SH3TC1: variants seen among roughly 807,000 people sequenced by gnomAD.
The protein encoded by SH3TC1 is SH3 domain and tetratricopeptide repeats 1.
A neutral mutation model predicts 117.3 loss-of-function variants in SH3TC1; 135 were observed. The ratio of observed to expected loss-of-function variants is 1.15; its 90% CI spans 1.00 to 1.33. The LOEUF is 1.33. Ranked by LOEUF, SH3TC1 falls within the 40% of genes most tolerant of loss-of-function variation. The probability of loss-of-function intolerance (pLI) is 0.00; values close to 1 mark genes in which losing one functional copy is unlikely to be tolerated. For missense variants in SH3TC1, 2,092 were observed against 1,794.3 expected (o/e 1.17, Z -3.00); for synonymous variants, 898 against 816.9 (o/e 1.10, Z -1.69).
Position 8,212,839 on chromosome 4 carries a change from C to A in SH3TC1, c.375+11C>A. On this transcript the variant is annotated intron_variant, in intron 4 of 17. Coordinates refer to ENST00000245105, the MANE Select transcript of SH3TC1 (RefSeq NM_018986.5). Reference sequence around the variant, plus strand: ...GCCCGCGTGCTTGGGGTGAGTAGCCCTCTGGGGCCTGCTCAGGGATGGGAG... The same window carrying A: ...GCCCGCGTGCTTGGGGTGAGTAGCCATCTGGGGCCTGCTCAGGGATGGGAG... The A allele has an allele frequency of 6.4e-7, 1 of 1,553,192 alleles. No individual in the cohort carries two copies. Among genetic ancestry groups the A allele is most frequent in the Non-Finnish European group, 8.7e-7 (1 of 1,147,912 alleles).
At chr4:8,203,281 T>C (rs986122161) in intron 1 of SH3TC1, among the ~76,000 whole-genome samples, 2 of 151,388 alleles carry the variant, frequency 1.3e-5, no homozygotes, top group African/African-American at 4.8e-5. Context: ...CGGGTGCGTG[T>C]GTGTGTGTGT....
intron 13 of SH3TC1, chr4:8,233,123 C>T (rs1022594944): frequency 7.4e-7 from 1 of 1,353,148 alleles, no homozygotes; most frequent in African/African-American, 1.5e-5. Flanking sequence ...GACTAGCACG[C>T]TCCCCCAGCC....
chr4:8,209,865 G>A lies in SH3TC1; in HGVS notation c.247+43G>A, dbSNP rs368777125. ...TACACAGGGCTTCAGGTTCAAATCC[G>A]GGCTGTGCCGCTCCCTGGGCATCCA... On this transcript the variant is annotated intron_variant, in intron 3 of 17. Transcript: ENST00000245105. The surrounding 1 kb of genome is among the most constrained non-coding windows in gnomAD (Gnocchi z 5.9). 1.8e-5 allele frequency: 29 copies of A among 1,589,494 alleles called. No individual in the cohort carries two copies. The highest frequency in any genetic ancestry group is 8.7e-5 in the Admixed American group (5 of 57,750).
intron 1 of SH3TC1, among the ~76,000 whole-genome samples, chr4:8,182,411 G>A (rs991785298): frequency 7.2e-5 from 11 of 152,182 alleles, no homozygotes; most frequent in Admixed American, 6.5e-4. Flanking sequence ...GGTTTCAGGC[G>A]AAGGGCCAGC....
chr4:8,213,660 G>A (rs944857328), intron 4 of SH3TC1, among the ~76,000 whole-genome samples: 12 of 152,118 alleles, frequency 7.9e-5, no homozygotes, highest in South Asian at 4.1e-4. Flanking sequence ...CACTTTGGGC[G>A]AACGACGAAG....
In SH3TC1 at chr4:8,227,704, G is replaced by A. The variant is rs1182319733; in HGVS notation, c.2010G>A (p.Leu670=). The change falls in exon 12 of 18, where the codon CTG becomes CTA. Residue 670 remains leucine, a synonymous_variant. Coordinates refer to ENST00000245105, the MANE Select transcript of SH3TC1 (RefSeq NM_018986.5). ...SLQAEARACF[L]LARHHVHLKQ... ...AGGCCGAGGCCCGGGCCTGCTTCCT[G>A]CTGGCCAGGCACCACGTGCACCTCA... The A allele has an allele frequency of 1.3e-6, 2 of 1,567,664 alleles. No individual in the cohort carries two copies. Among genetic ancestry groups the A allele is most frequent in the African/African-American group, 1.3e-5 (1 of 74,104 alleles).
At position 8,205,352 on chromosome 4, in the gene SH3TC1, C is replaced by G. The variant is rs992778150; in HGVS notation, c.158C>G (p.Ala53Gly). ...WEKAGPEEAK[A>G]PVRGDEAPPA... Reference sequence around the variant, plus strand: ...AAAGCGGGGCCCGAGGAGGCCAAGGCGCCAGTGAGAGGCGGTGAGTTCATT... The same window carrying G: ...AAAGCGGGGCCCGAGGAGGCCAAGGGGCCAGTGAGAGGCGGTGAGTTCATT... The change falls in exon 2 of 18, where the codon GCG becomes GGG. Residue 53 changes from alanine (A) to glycine (G), a missense_variant. Physicochemically the swap from Ala to Gly is moderately conservative, Grantham distance 60 (BLOSUM62 0). Coordinates refer to ENST00000245105, the MANE Select transcript of SH3TC1 (RefSeq NM_018986.5). The surrounding 1 kb of genome is among the most constrained non-coding windows in gnomAD (Gnocchi z 5.4). 2 of 1,548,236 alleles carry G rather than the reference C, an allele frequency of 1.3e-6. No homozygotes were observed. Among genetic ancestry groups the G allele is most frequent in the African/African-American group, 2.7e-5 (2 of 72,976 alleles).
upstream of SH3TC1, among the ~76,000 whole-genome samples, chr4:8,197,931 G>A (rs185631028): frequency 3.3e-5 from 5 of 152,176 alleles, no homozygotes; most frequent in East Asian, 9.7e-4. Context: ...GGCTGGAGGG[G>A]CTTTGACCTG....
Position 8,228,532 on chromosome 4 carries a change from C to A in SH3TC1, c.2838C>A (p.Thr946=). Residue 946 remains threonine (T), a synonymous_variant, in exon 12 of 18, where the codon ACC becomes ACA. Transcript: ENST00000245105. The part of the protein sequence containing the change: ...LPLGECGRDF[T]HVLLQLGHLC... ...TTGGGGAGTGTGGCCGGGACTTCAC[C>A]CACGTGCTCCTGCAGCTGGGCCATC... is the stretch of plus-strand genomic sequence containing the variant. The A allele has an allele frequency of 6.2e-7, 1 of 1,611,140 alleles. No individual in the cohort carries two copies. Among genetic ancestry groups the A allele is most frequent in the Non-Finnish European group, 8.5e-7 (1 of 1,179,414 alleles).
chr4:8,238,141 C>T (rs1721987504), intron 17 of SH3TC1, among the ~76,000 whole-genome samples: 1 of 152,210 alleles, frequency 6.6e-6, no homozygotes, highest in African/African-American at 2.4e-5. Context: ...CCAGCCTGCA[C>T]TGAGCAACTC....
chr4:8,236,585 G>T, intron 16 of SH3TC1, 157 bp downstream of exon 16: 1 of 1,029,810 alleles, frequency 9.7e-7, no homozygotes. Context: ...CGGCCGTGGG[G>T]CACAGCCCGA....
Position 8,228,081 on chromosome 4 carries a change from A to G in SH3TC1, c.2387A>G (p.Tyr796Cys). Reference protein sequence around the residue: ...GPLYTSLAQLYSHHGCHGPAI... With the variant: ...GPLYTSLAQLCSHHGCHGPAI... ...CTCTACACCAGCTTGGCCCAGCTGTACAGCCACCATGGCTGCCACGGCCCG... is the reference window on the plus strand; with the variant it reads ...CTCTACACCAGCTTGGCCCAGCTGTGCAGCCACCATGGCTGCCACGGCCCG... The change falls in exon 12 of 18, where the codon TAC becomes TGC. Residue 796 changes from tyrosine (Y) to cysteine (C), a missense_variant. Coordinates refer to ENST00000245105, the MANE Select transcript of SH3TC1 (RefSeq NM_018986.5). 6.2e-7 allele frequency: 1 copy of G among 1,607,880 alleles called. No homozygotes were observed.
At chr4:8,228,837 G>C (rs1408043055) in intron 12 of SH3TC1, among the ~76,000 whole-genome samples, 193 bp downstream of exon 12, 1 of 152,234 alleles carries the variant, frequency 6.6e-6, no homozygotes, top group Non-Finnish European at 1.5e-5. Context: ...TGCCCTACTG[G>C]GGGAGCCAGC....
chr4:8,217,517 C>T (rs1561694706), intron 7 of SH3TC1, among the ~76,000 whole-genome samples: 1 of 152,222 alleles, frequency 6.6e-6, no homozygotes, highest in Non-Finnish European at 1.5e-5. Context: ...ACACGGGACC[C>T]ACAGATAGAG....
At chr4:8,207,701 C>A (rs1339791014) in intron 2 of SH3TC1, among the ~76,000 whole-genome samples, 1 of 152,236 alleles carries the variant, frequency 6.6e-6, no homozygotes, top group Non-Finnish European at 1.5e-5. Context: ...ATTCAAATCA[C>A]CCTAGATTTG....
intron 5 of SH3TC1, among the ~76,000 whole-genome samples, 191 bp from the exon 6 acceptor site, chr4:8,215,920 C>G (rs1719219591): frequency 7.5e-6 from 1 of 133,368 alleles, no homozygotes; most frequent in Non-Finnish European, 1.6e-5. Flanking sequence ...TGACCTCTCA[C>G]AGCCCGGGTG....
At chr4:8,182,556 A>G (rs1717107453) in intron 1 of SH3TC1, among the ~76,000 whole-genome samples, 1 of 152,124 alleles carries the variant, frequency 6.6e-6, no homozygotes, top group Non-Finnish European at 1.5e-5. Context: ...CCTGGTGGAA[A>G]GGTGAGGTGC....
chr4:8,192,059 G>A lies in SH3TC1; in HGVS notation c.-57+9849G>A, dbSNP rs1035774760. 2.6e-5 allele frequency among the ~76,000 whole-genome samples: 4 copies of A among 151,448 alleles called. No individual in the cohort carries two copies. In the East Asian group the frequency reaches 5.9e-4, roughly 22 times the overall value. ...GGCTGGAGTGCAATGGCGCGATCTC[G>A]GCTCACTGCCACCTCGGCCTCCCAG... On this transcript the variant is annotated intron_variant, in intron 1 of 16. Transcript: ENST00000508641. This position sits in a 1 kb window ranked among gnomAD's most constrained non-coding sequence, Gnocchi z 4.1.
In SH3TC1 at chr4:8,238,942, G is replaced by A. The variant is rs541804155; in HGVS notation, c.3753+1272G>A. On this transcript the variant is annotated intron_variant, in intron 17 of 17. Transcript: ENST00000245105. The stretch of plus-strand genomic sequence containing the variant: ...CAGCTTCCCACAGGGAGGCCCCCTC[G>A]GAATTCCCCCAGGGCTGCTGTCTTT... 1.2e-3 allele frequency among the ~76,000 whole-genome samples: 189 copies of A among 152,294 alleles called. 2 individuals carry two copies. The highest frequency in any genetic ancestry group is 4.4e-3 in the African/African-American group (182 of 41,562).
Sources: allele counts gnomAD v4.1 joint callset (sites outside exome capture counted in the v4.1 genomes callset), GRCh38; gene constraint gnomAD v4.1.1; non-coding constraint Gnocchi (gnomAD v3.1); transcripts MANE v1.5; gene names NCBI Gene and HGNC (gene_info 2026-07-23, HGNC 2026-07-21).